MAP7: variants seen among roughly 807,000 people sequenced by gnomAD.
The protein encoded by MAP7 is ensconsin.
Under a neutral mutation model 94.8 loss-of-function variants are expected in MAP7, and 52 were observed. That is an observed-to-expected ratio of 0.55 (90% CI 0.44 to 0.69). MAP7 has a LOEUF of 0.69. Among genes scored for constraint, MAP7 ranks in the 30% least tolerant of loss-of-function variants. The pLI, the probability that MAP7 is intolerant of heterozygous loss-of-function variation, is 0.00. For synonymous variants in MAP7, 350 were observed against 357.0 expected (o/e 0.98, Z 0.22); for missense variants, 940 against 964.6 (o/e 0.97, Z 0.34).
At chr6:136,536,363 C>G (rs1034792867) in intron 1 of MAP7, among the ~76,000 whole-genome samples, 3 of 152,074 alleles carry the variant, frequency 2.0e-5, no homozygotes, top group Non-Finnish European at 4.4e-5. Flanking sequence ...GGTTGGTAAG[C>G]ACTCAGGGGA....
At chr6:136,373,887 A>G (rs748906281) in intron 7 of MAP7, among the ~76,000 whole-genome samples, 1 of 152,234 alleles carries the variant, frequency 6.6e-6, no homozygotes, top group Non-Finnish European at 1.5e-5. Context: ...TTACAGACAG[A>G]AAGTCAATCA....
intron 15 of MAP7, among the ~76,000 whole-genome samples, chr6:136,358,333 A>G (rs375076808): frequency 4.6e-5 from 7 of 152,328 alleles, no homozygotes; most frequent in Admixed American, 2.6e-4. Context: ...GGTGCAATTT[A>G]CAGCTTAAAT....
At chr6:136,531,351 GT>G (rs1388356965) in intron 1 of MAP7, among the ~76,000 whole-genome samples, 3 of 144,842 alleles carry the variant, frequency 2.1e-5, no homozygotes, top group Admixed American at 2.0e-4. Flanking sequence ...TCTGTGAGCA[GT>G]TTAATTTAGT....
At chr6:136,461,849 C>T (rs193213874) in intron 1 of MAP7, among the ~76,000 whole-genome samples, 83 of 152,086 alleles carry the variant, frequency 5.5e-4, no homozygotes, top group African/African-American at 1.9e-3. Context: ...GAACAAACTG[C>T]CTTGGGTATT....
intron 1 of MAP7, among the ~76,000 whole-genome samples, chr6:136,535,545 C>T (rs535411924): frequency 2.0e-5 from 3 of 152,220 alleles, no homozygotes; most frequent in East Asian, 3.9e-4. Context: ...CACAGAAATG[C>T]CAAATTATAT....
Position 136,550,301 on chromosome 6 carries a change from C to T in MAP7, c.67+41G>A, listed in dbSNP as rs1328192073. ...AGCCCGCCGGCCCCGCTCGCCGTCC[C>T]CTGCCCGACGGGACCCCCACTATCC... On this transcript the variant is annotated intron_variant, in intron 1 of 17. Transcript: ENST00000354570. The surrounding 1 kb of genome is among the most constrained non-coding windows in gnomAD (Gnocchi z 5.1). The T allele has an allele frequency of 6.9e-7, 1 of 1,457,230 alleles. No homozygotes were observed. Among genetic ancestry groups the T allele is most frequent in the South Asian group, 1.3e-5 (1 of 74,544 alleles). The allele number at this position is 1,457,230 out of a possible 1,614,324, so 90.3% of individuals were successfully genotyped here.
intron 6 of MAP7, among the ~76,000 whole-genome samples, chr6:136,380,443 C>A (rs1342127560): frequency 1.3e-5 from 2 of 152,274 alleles, no homozygotes; most frequent in East Asian, 1.9e-4. Flanking sequence ...CAAGAACAAA[C>A]AACACTGCTC....
chr6:136,356,817 A>C (rs1251957473), intron 15 of MAP7, 23 bp from the exon 16 acceptor site: 1 of 1,571,234 alleles, frequency 6.4e-7, no homozygotes, highest in Non-Finnish European at 8.8e-7. Context: ...AAGGAGACAG[A>C]ACACAGGGTT....
intron 6 of MAP7, among the ~76,000 whole-genome samples, chr6:136,382,549 G>T (rs1778087252): frequency 6.6e-6 from 1 of 152,138 alleles, no homozygotes; most frequent in African/African-American, 2.4e-5. Flanking sequence ...TTGACTACAA[G>T]TCTAATATTG....
At chr6:136,514,140 C>A (rs556929266) in intron 1 of MAP7, among the ~76,000 whole-genome samples, 2 of 152,296 alleles carry the variant, frequency 1.3e-5, no homozygotes, top group African/African-American at 4.8e-5. Context: ...TTTCAATTTT[C>A]TTTGCCCAGA....
intron 1 of MAP7, among the ~76,000 whole-genome samples, chr6:136,515,252 G>T (rs1045947071): frequency 6.6e-6 from 1 of 152,174 alleles, no homozygotes; most frequent in Non-Finnish European, 1.5e-5. Context: ...CCTTGTTCTG[G>T]ATTAAGCTTT....
intron 1 of MAP7, among the ~76,000 whole-genome samples, chr6:136,523,173 T>C (rs1005227156): frequency 1.3e-5 from 2 of 152,172 alleles, no homozygotes; most frequent in Admixed American, 1.3e-4. Context: ...AAAGGTAAAA[T>C]GAAATTGTCT....
intron 1 of MAP7, among the ~76,000 whole-genome samples, chr6:136,447,168 C>T (rs924658231): frequency 3.9e-5 from 6 of 152,196 alleles, no homozygotes; most frequent in Non-Finnish European, 7.3e-5. Context: ...ATCACCCCCC[C>T]GAAATTTGTT....
chr6:136,523,693 TTTCTCCC>T (rs1191997059), intron 1 of MAP7, among the ~76,000 whole-genome samples: 2 of 152,180 alleles, frequency 1.3e-5, no homozygotes, highest in African/African-American at 4.8e-5. Context: ...ACAGGATTTT[TTTCTCCC>T]AGTATTCCTC....
At chr6:136,393,934 C>T (rs1467970646) in intron 3 of MAP7, among the ~76,000 whole-genome samples, 2 of 150,652 alleles carry the variant, frequency 1.3e-5, no homozygotes. Flanking sequence ...GCCCCAACGC[C>T]TGGCCTAGCA....
At chr6:136,404,317 T>C (rs982751124) in intron 3 of MAP7, among the ~76,000 whole-genome samples, 1 of 147,286 alleles carries the variant, frequency 6.8e-6, no homozygotes, top group Non-Finnish European at 1.5e-5. Flanking sequence ...GACAACACAC[T>C]GAGATGAGAG....
At chr6:136,492,035 G>A (rs1816767556) in intron 1 of MAP7, among the ~76,000 whole-genome samples, 1 of 152,180 alleles carries the variant, frequency 6.6e-6, no homozygotes, top group Non-Finnish European at 1.5e-5. Flanking sequence ...TCCAAAAGAA[G>A]GTGATTAGGA....
intron 1 of MAP7, among the ~76,000 whole-genome samples, chr6:136,512,482 A>G (rs766644789): frequency 6.6e-6 from 1 of 152,210 alleles, no homozygotes; most frequent in Non-Finnish European, 1.5e-5. Context: ...TGTAATGAAG[A>G]TTTAGGAAGC....
intron 1 of MAP7, among the ~76,000 whole-genome samples, chr6:136,422,417 T>A (rs1458823489): frequency 6.6e-6 from 1 of 152,098 alleles, no homozygotes; most frequent in African/African-American, 2.4e-5. Context: ...ATGCTGAAAT[T>A]CAAATTAAAA....
Sources: gnomAD v4.1 joint callset for allele counts (sites outside exome capture counted in the v4.1 genomes callset) on GRCh38, gnomAD v4.1.1 for gene constraint, Gnocchi (gnomAD v3.1) non-coding constraint, MANE v1.5 for transcripts, NCBI Gene and HGNC (gene_info 2026-07-23, HGNC 2026-07-21) for gene names.